C3orf22: variants seen among roughly 807,000 people sequenced by gnomAD.
C3orf22 encodes the protein uncharacterized protein C3orf22.
A neutral mutation model predicts 10.8 loss-of-function variants in C3orf22; 7 were observed. That is an observed-to-expected ratio of 0.65 (90% CI 0.37 to 1.22). The LOEUF is 1.22. Ranked by LOEUF, C3orf22 falls within the 50% of genes most tolerant of loss-of-function variation. The pLI, the probability that C3orf22 is intolerant of heterozygous loss-of-function variation, is 0.02. For missense variants in C3orf22, 173 were observed against 177.0 expected, an observed-to-expected ratio of 0.98 and a Z score of 0.13; for synonymous variants, 79 against 78.9, an observed-to-expected ratio of 1.00 and a Z score of 0.00.
intron 4 of C3orf22, among the ~76,000 whole-genome samples, chr3:126,540,176 C>T (rs749017590): frequency 6.6e-6 from 1 of 152,130 alleles, no homozygotes; most frequent in Admixed American, 6.5e-5. Context: ...CTCCAAAGGC[C>T]GCTTTGGCCT....
Position 126,542,810 on chromosome 3 carries a change from C to T in C3orf22, c.286+6727G>A, listed in dbSNP as rs1937000689. The T allele has an allele frequency of 6.4e-6, 3 of 468,460 alleles. No individual in the cohort carries two copies. The East Asian group carries it at 1.2e-4, about 18-fold the overall frequency. 29.0% of individuals were successfully genotyped at this position (468,460 alleles called of 1,614,324 possible). On this transcript the variant is annotated intron_variant and NMD_transcript_variant, in intron 4 of 5. Transcript: ENST00000505070. ...CCTGTCGCCTGAGGCCTGCTTCCTC[C>T]ACTTGCTCCAGCTGACAGGCACCTC...
intron 4 of C3orf22, chr3:126,542,294 G>A (rs755479275): frequency 1.3e-5 from 21 of 1,566,420 alleles, no homozygotes; most frequent in African/African-American, 2.8e-5. Context: ...CGAGCACTGG[G>A]AGCGCGCGCA....
downstream of C3orf22, among the ~76,000 whole-genome samples, chr3:126,546,229 T>C (rs1937065668): frequency 6.6e-6 from 1 of 152,158 alleles, no homozygotes. Flanking sequence ...CAGGAGTTAG[T>C]GCCCCCTGGA....
Position 126,549,949 on chromosome 3 carries a change from G to C in C3orf22, c.345C>G (p.Ala115=), listed in dbSNP as rs747108179. The part of the protein sequence containing the change: ...LLSRRFPRQL[A]FLLSTRHTEA... ...CAGTGTGCCGGGTGGACAGCAGGAA[G>C]GCGAGTTGTCTGGGGAAGCGGCGAC... The change falls in exon 4 of 4, where the codon GCC becomes GCG. Residue 115 remains alanine (A), a synonymous_variant. Transcript: ENST00000318225. The C allele has an allele frequency of 1.2e-6, 2 of 1,614,036 alleles. No homozygotes were observed. Among genetic ancestry groups the C allele is most frequent in the African/African-American group, 1.3e-5 (1 of 74,928 alleles).
chr3:126,540,435 G>A (rs1267239583), intron 4 of C3orf22, among the ~76,000 whole-genome samples: 1 of 152,150 alleles, frequency 6.6e-6, no homozygotes, highest in African/African-American at 2.4e-5. Flanking sequence ...TCTAGTTTTG[G>A]TCTCTCTGGA....
chr3:126,553,101 C>A (rs1418494046), intron 2 of C3orf22, among the ~76,000 whole-genome samples: 6 of 152,200 alleles, frequency 3.9e-5, no homozygotes, highest in Non-Finnish European at 8.8e-5. Context: ...CTGAGCCCAC[C>A]CAGAGGCCCC....
chr3:126,550,579 A>G (rs112553123), intron 3 of C3orf22, among the ~76,000 whole-genome samples: 1,691 of 152,228 alleles, frequency 0.011, 16 homozygotes, highest in Non-Finnish European at 0.016. Context: ...CCCCGACAGG[A>G]TGGCGTGGGA....
intron 1 of C3orf22, among the ~76,000 whole-genome samples, chr3:126,557,303 C>A (rs939324517): frequency 2.6e-5 from 4 of 152,220 alleles, no homozygotes; most frequent in African/African-American, 4.8e-5. Context: ...CCTTGCTTCC[C>A]TTCCCAATTC....
chr3:126,532,369 CG>C (rs1576749172), intron 4 of C3orf22, among the ~76,000 whole-genome samples: 1 of 152,124 alleles, frequency 6.6e-6, no homozygotes, highest in Non-Finnish European at 1.5e-5. Context: ...AGATTTATGT[CG>C]GTGTTTTCAC....
chr3:126,531,040 C>G (rs372641372), intron 4 of C3orf22, among the ~76,000 whole-genome samples: 2 of 152,278 alleles, frequency 1.3e-5, no homozygotes, highest in East Asian at 1.9e-4. Context: ...GTGCAAGGCC[C>G]GTCCAGCTGC....
At position 126,539,989 on chromosome 3, in the gene C3orf22, A is replaced by C. The variant is rs1041984651; in HGVS notation, c.286+9548T>G. 4.4e-3 allele frequency among the ~76,000 whole-genome samples: 480 copies of C among 109,642 alleles called. 7 individuals carry two copies. Among genetic ancestry groups the C allele is most frequent in the African/African-American group, 0.013 (382 of 29,632 alleles). The allele number at this position is 109,642 out of a possible 152,430, so 71.9% of individuals were successfully genotyped here. A position where few individuals can be genotyped will look rare whatever the true frequency, so the allele number is the denominator to read the frequency against. ...CACACACAAATGCCACACACGCATG[A>C]CACACACACACAAATGCCACACACG... On this transcript the variant is annotated intron_variant and NMD_transcript_variant, in intron 4 of 5. Transcript: ENST00000505070.
At chr3:126,537,094 C>G (rs1936812701) in intron 4 of C3orf22, among the ~76,000 whole-genome samples, 1 of 152,178 alleles carries the variant, frequency 6.6e-6, no homozygotes, top group Non-Finnish European at 1.5e-5. Context: ...CACACTAATA[C>G]TTAACTAATT....
intron 4 of C3orf22, among the ~76,000 whole-genome samples, chr3:126,532,024 G>A (rs1286867106): frequency 6.6e-6 from 1 of 152,202 alleles, no homozygotes; most frequent in African/African-American, 2.4e-5. Flanking sequence ...AATGGCTAGT[G>A]ATGTTGCGCA....
chr3:126,542,005 A>G (rs1249459909), intron 4 of C3orf22: 7 of 1,560,394 alleles, frequency 4.5e-6, no homozygotes, highest in East Asian at 2.4e-5. Flanking sequence ...GCCTGCCCTC[A>G]CTGGCCGACT....
downstream of C3orf22, among the ~76,000 whole-genome samples, chr3:126,546,510 TG>T (rs1406001924): frequency 2.0e-5 from 3 of 152,018 alleles, no homozygotes; most frequent in Non-Finnish European, 2.9e-5. Flanking sequence ...GTCTCCATGG[TG>T]GGATTAGTGT....
intron 1 of C3orf22, among the ~76,000 whole-genome samples, chr3:126,557,369 T>G (rs987742141): frequency 5.3e-5 from 8 of 152,346 alleles, no homozygotes; most frequent in African/African-American, 1.9e-4. Context: ...TCCGATGATG[T>G]CTGGAGAGGA....
chr3:126,550,529 AC>A (rs1034642518), intron 3 of C3orf22, among the ~76,000 whole-genome samples: 1 of 152,082 alleles, frequency 6.6e-6, no homozygotes, highest in Admixed American at 6.6e-5. Flanking sequence ...TACATGCAGG[AC>A]CCAGCATGCC....
intron 4 of C3orf22, among the ~76,000 whole-genome samples, chr3:126,530,523 C>A (rs1385302922): frequency 6.6e-6 from 1 of 152,372 alleles, no homozygotes; most frequent in South Asian, 2.1e-4. Flanking sequence ...CAGTCCCCAG[C>A]CACAGTTCCC....
At chr3:126,552,167 C>T (rs758081011) in intron 2 of C3orf22, 45 bp from the exon 3 acceptor site, 13 of 1,611,570 alleles carry the variant, frequency 8.1e-6, no homozygotes, top group African/African-American at 1.3e-5. Flanking sequence ...ATCCACCAGC[C>T]TCCTGAAGTA....
Sources: allele counts gnomAD v4.1 joint callset (sites outside exome capture counted in the v4.1 genomes callset), GRCh38; gene constraint gnomAD v4.1.1; transcripts MANE v1.5; gene names NCBI Gene and HGNC (gene_info 2026-07-23, HGNC 2026-07-21).